Variants in QTMAN observed in about 807,000 individuals in gnomAD.
The protein encoded by QTMAN is queuosine-tRNA mannosyltransferase, also known as tRNA-queuosine alpha-mannosyltransferase.
chr2:144,111,204 A>G, the QTMAN span, among the ~76,000 whole-genome samples: 5 of 152,244 alleles, frequency 3.3e-5, no homozygotes, highest in Non-Finnish European at 5.9e-5. Flanking sequence ...CAAGTGAGAT[A>G]TATCTGTGAA....
the QTMAN span, chr2:144,178,681 A>G: frequency 4.5e-6 from 1 of 223,102 alleles, no homozygotes; most frequent in Non-Finnish European, 9.0e-6. Flanking sequence ...CCTACCCTAT[A>G]CCATAATGCT....
At chr2:144,001,066 A>T in the QTMAN span, among the ~76,000 whole-genome samples, 6 of 152,122 alleles carry the variant, frequency 3.9e-5, no homozygotes, top group Non-Finnish European at 1.5e-5. Flanking sequence ...TTATTTCAGC[A>T]ATGAGAAAAC....
At chr2:144,128,767 T>C in the QTMAN span, among the ~76,000 whole-genome samples, 1 of 151,832 alleles carries the variant, frequency 6.6e-6, no homozygotes, top group African/African-American at 2.4e-5. Context: ...TGAAAAGTTC[T>C]AATTCTATTC....
the QTMAN span, among the ~76,000 whole-genome samples, chr2:144,257,671 A>C: frequency 2.0e-5 from 3 of 152,222 alleles, no homozygotes; most frequent in African/African-American, 7.2e-5. Context: ...CTTGCACTTC[A>C]TTTAACCCCT....
At chr2:144,282,026 T>C in the QTMAN span, among the ~76,000 whole-genome samples, 432 of 152,264 alleles carry the variant, frequency 2.8e-3, 2 homozygotes, top group Non-Finnish European at 4.4e-3. Flanking sequence ...TTGCTGGTCC[T>C]TACTCTGAGT....
At chr2:144,279,194 C>T in the QTMAN span, among the ~76,000 whole-genome samples, 1 of 152,016 alleles carries the variant, frequency 6.6e-6, no homozygotes, top group Admixed American at 6.6e-5. Flanking sequence ...AGTGATTTTA[C>T]TTTGAAATTA....
At chr2:144,069,812 T>C in the QTMAN span, among the ~76,000 whole-genome samples, 1 of 152,070 alleles carries the variant, frequency 6.6e-6, no homozygotes, top group African/African-American at 2.4e-5. Flanking sequence ...TGCACACATT[T>C]CTCATTGGAC....
the QTMAN span, among the ~76,000 whole-genome samples, chr2:144,093,852 C>G: frequency 6.6e-6 from 1 of 152,150 alleles, no homozygotes; most frequent in South Asian, 2.1e-4. Flanking sequence ...GGTACACAAC[C>G]TACACTCTAC....
chr2:144,019,435 GGTGTGTGTGTGTGTGTGTGTGT>G, the QTMAN span, among the ~76,000 whole-genome samples: 14 of 117,274 alleles, frequency 1.2e-4, no homozygotes, highest in East Asian at 5.7e-4. Context: ...TAAGCATGCA[GGTGTGTGTGTGTGTGTGTGTGT>G]GTGTGTGTGT....
the QTMAN span, among the ~76,000 whole-genome samples, chr2:143,961,575 T>C: frequency 6.6e-6 from 1 of 152,176 alleles, no homozygotes; most frequent in African/African-American, 2.4e-5. Context: ...CTTATGAAAA[T>C]GACAGAGCAT....
the QTMAN span, among the ~76,000 whole-genome samples, chr2:144,254,913 C>A: frequency 1.3e-5 from 2 of 152,228 alleles, no homozygotes; most frequent in African/African-American, 4.8e-5. Context: ...TTCAGACTTG[C>A]ATGGGGCCTG....
the QTMAN span, chr2:144,006,891 T>C: frequency 5.0e-5 from 13 of 258,306 alleles, no homozygotes; most frequent in East Asian, 1.5e-4. Flanking sequence ...CTGATTCTTA[T>C]ATTTTGAAAC....
the QTMAN span, among the ~76,000 whole-genome samples, chr2:143,996,431 T>C: frequency 6.6e-6 from 1 of 152,010 alleles, no homozygotes; most frequent in Admixed American, 6.6e-5. Flanking sequence ...GAGAGAAATT[T>C]GGGGGGATAG....
the QTMAN span, among the ~76,000 whole-genome samples, chr2:144,096,046 A>G: frequency 6.6e-6 from 1 of 152,208 alleles, no homozygotes; most frequent in Non-Finnish European, 1.5e-5. Flanking sequence ...ATACTCTCTA[A>G]AACAAACTCT....
At chr2:144,129,196 T>C in the QTMAN span, among the ~76,000 whole-genome samples, 1 of 152,048 alleles carries the variant, frequency 6.6e-6, no homozygotes, top group South Asian at 2.1e-4. Flanking sequence ...AAGGTGTCAG[T>C]AGTTAGTCAA....
chr2:144,230,549 A>G, the QTMAN span, among the ~76,000 whole-genome samples: 1 of 152,122 alleles, frequency 6.6e-6, no homozygotes, highest in African/African-American at 2.4e-5. Flanking sequence ...ATGCTTCAGA[A>G]ATTTAGAAGG....
chr2:143,999,342 AC>A, the QTMAN span, among the ~76,000 whole-genome samples: 1 of 151,950 alleles, frequency 6.6e-6, no homozygotes, highest in Non-Finnish European at 1.5e-5. Context: ...ACAAGGCATC[AC>A]TAGAGAAATA....
chr2:144,086,409 G>A, the QTMAN span, among the ~76,000 whole-genome samples: 4 of 152,080 alleles, frequency 2.6e-5, no homozygotes, highest in East Asian at 3.9e-4. Flanking sequence ...GGCAAGTGTC[G>A]TGATTACAAG....
the QTMAN span, chr2:144,006,154 T>C: frequency 6.6e-6 from 1 of 152,154 alleles, no homozygotes; most frequent in Non-Finnish European, 1.5e-5. Context: ...GCTGGAAGTA[T>C]GAAGTTGCAC....
Sources: gnomAD v4.1 joint callset for allele counts (sites outside exome capture counted in the v4.1 genomes callset) on GRCh38, gnomAD v4.1.1 for gene constraint, MANE v1.5 for transcripts, NCBI Gene and HGNC (gene_info 2026-07-23, HGNC 2026-07-21) for gene names.